CDH13: variants seen among roughly 807,000 people sequenced by gnomAD.
The protein encoded by CDH13 is cadherin-13.
Under a neutral mutation model 63.8 loss-of-function variants are expected in CDH13, and 24 were observed. The ratio of observed to expected loss-of-function variants is 0.38; its 90% CI spans 0.27 to 0.53. CDH13 has a LOEUF of 0.53. Ranked by LOEUF, CDH13 falls within the 20% of genes least tolerant of loss-of-function variation. CDH13 has a pLI of 0.85. For missense variants in CDH13, 1,049 were observed against 903.1 expected, an observed-to-expected ratio of 1.16 and a Z score of -2.07; for synonymous variants, 503 against 355.3, an observed-to-expected ratio of 1.42 and a Z score of -4.67.
chr16:83,291,074 C>T (rs547448647), intron 5 of CDH13, among the ~76,000 whole-genome samples: 10 of 152,262 alleles, frequency 6.6e-5, no homozygotes, highest in Admixed American at 2.0e-4. Context: ...AGGTCTATTT[C>T]TCTATGAGAC....
intron 2 of CDH13, among the ~76,000 whole-genome samples, chr16:83,010,475 G>T (rs1209754493): frequency 6.6e-6 from 1 of 152,036 alleles, no homozygotes; most frequent in African/African-American, 2.4e-5. Flanking sequence ...GTAATGTTGT[G>T]CTCTCACTTT....
intron 2 of CDH13, among the ~76,000 whole-genome samples, chr16:82,937,115 C>T (rs1236862505): frequency 6.6e-6 from 1 of 152,114 alleles, no homozygotes; most frequent in Non-Finnish European, 1.5e-5. Flanking sequence ...TAGTAACTAG[C>T]ATTAAACTAA....
chr16:83,221,901 C>A (rs1185246490), intron 5 of CDH13, among the ~76,000 whole-genome samples: 2 of 152,048 alleles, frequency 1.3e-5, no homozygotes, highest in South Asian at 2.1e-4. Context: ...TCCCTAGATC[C>A]CTGACATACA....
chr16:82,819,444 C>A (rs2037890175), intron 1 of CDH13, among the ~76,000 whole-genome samples: 3 of 152,162 alleles, frequency 2.0e-5, no homozygotes, highest in Non-Finnish European at 4.4e-5. Context: ...TTTTGTTATA[C>A]AGGAAGCTTC....
rs17282232 is a variant in CDH13 at position 83,314,717 on chromosome 16, G to A, written c.637-30145G>A. Among the ~76,000 whole-genome samples the A allele has an allele frequency of 1.1e-4, 17 of 152,262 alleles. No individual in the cohort carries two copies. The East Asian group carries it at 3.3e-3, about 29-fold the overall frequency. ...TGATTCTGTACTATACTTAATAGGC[G>A]ATTTTACTGATTTCATGGGTACATC... On this transcript the variant is annotated intron_variant, in intron 5 of 13. Transcript: ENST00000567109.
At chr16:83,605,744 A>G (rs1222030759) in intron 8 of CDH13, among the ~76,000 whole-genome samples, 3 of 152,230 alleles carry the variant, frequency 2.0e-5, no homozygotes, top group Non-Finnish European at 4.4e-5. Flanking sequence ...TGTTTCCAAA[A>G]TGTCAGAGGC....
intron 5 of CDH13, among the ~76,000 whole-genome samples, chr16:83,303,978 T>G (rs1307685840): frequency 2.6e-5 from 4 of 152,180 alleles, no homozygotes; most frequent in African/African-American, 9.7e-5. Flanking sequence ...TAGGATGAAT[T>G]GGGCTTTTTC....
At chr16:83,365,501 A>G (rs1317138329) in intron 6 of CDH13, among the ~76,000 whole-genome samples, 3 of 152,106 alleles carry the variant, frequency 2.0e-5, no homozygotes, top group African/African-American at 7.2e-5. Flanking sequence ...TAATCATCCA[A>G]CTGTTGTAGG....
chr16:83,597,758 T>C (rs1405703673), intron 7 of CDH13, among the ~76,000 whole-genome samples: 1 of 152,242 alleles, frequency 6.6e-6, no homozygotes, highest in African/African-American at 2.4e-5. Context: ...TTTCTCATTA[T>C]AGGTGCAAAG....
intron 11 of CDH13, among the ~76,000 whole-genome samples, chr16:83,757,287 A>C (rs147023500): frequency 0.01 from 1,557 of 152,324 alleles, 26 homozygotes; most frequent in African/African-American, 0.035. Flanking sequence ...GACAAAATCA[A>C]CAAATCCAGG....
At chr16:82,714,166 G>A (rs1049648342) in intron 1 of CDH13, among the ~76,000 whole-genome samples, 5 of 152,090 alleles carry the variant, frequency 3.3e-5, no homozygotes, top group Non-Finnish European at 5.9e-5. Flanking sequence ...ACACTCATAC[G>A]TCCATAAAGG....
At chr16:83,362,735 C>T (rs907944826) in intron 6 of CDH13, among the ~76,000 whole-genome samples, 1 of 152,214 alleles carries the variant, frequency 6.6e-6, no homozygotes, top group African/African-American at 2.4e-5. Flanking sequence ...GGGTTAATTA[C>T]TTCTTAGTAT....
intron 5 of CDH13, among the ~76,000 whole-genome samples, chr16:83,251,203 A>G (rs1218000571): frequency 6.6e-6 from 1 of 152,224 alleles, no homozygotes; most frequent in Non-Finnish European, 1.5e-5. Context: ...TAAAGGGTAT[A>G]TAGGATCTCT....
At chr16:82,737,852 A>G (rs906171862) in intron 1 of CDH13, among the ~76,000 whole-genome samples, 1 of 152,204 alleles carries the variant, frequency 6.6e-6, no homozygotes, top group Non-Finnish European at 1.5e-5. Context: ...ATACAGTGTG[A>G]TGAGTTTGGA....
chr16:83,411,563 T>G (rs541961274), intron 6 of CDH13, among the ~76,000 whole-genome samples: 2 of 152,294 alleles, frequency 1.3e-5, no homozygotes, highest in Admixed American at 1.3e-4. Context: ...AAATAAATAT[T>G]GAGATACACT....
chr16:83,079,239 C>T (rs932842576), intron 3 of CDH13, among the ~76,000 whole-genome samples: 18 of 152,216 alleles, frequency 1.2e-4, no homozygotes, highest in Non-Finnish European at 2.6e-4. Context: ...GTCTTCTGCA[C>T]TATAAATTTG....
intron 6 of CDH13, among the ~76,000 whole-genome samples, chr16:83,369,933 C>G (rs2091332421): frequency 6.6e-6 from 1 of 152,182 alleles, no homozygotes; most frequent in Non-Finnish European, 1.5e-5. Flanking sequence ...TCATGTTGAC[C>G]TTGTCCCTAG....
intron 13 of CDH13, 49 bp downstream of exon 13, chr16:83,783,521 C>A: frequency 7.0e-7 from 1 of 1,437,710 alleles, no homozygotes; most frequent in Non-Finnish European, 9.8e-7. Context: ...ATTGTAACTT[C>A]ACTGGGTTCG....
At chr16:83,741,222 C>T (rs562258825) in intron 10 of CDH13, among the ~76,000 whole-genome samples, 1 of 152,292 alleles carries the variant, frequency 6.6e-6, no homozygotes, top group East Asian at 1.9e-4. Flanking sequence ...GCTACATGAG[C>T]TATTTTAAGA....
Sources: allele counts gnomAD v4.1 joint callset (sites outside exome capture counted in the v4.1 genomes callset), GRCh38; gene constraint gnomAD v4.1.1; transcripts MANE v1.5; gene names NCBI Gene and HGNC (gene_info 2026-07-23, HGNC 2026-07-21).